Variants in GRIA4 observed in about 807,000 individuals in gnomAD.
GRIA4 encodes the protein glutamate ionotropic receptor AMPA type subunit 4, also known as glutamate receptor 4.
GRIA4 carries 34 observed loss-of-function variants against 104.0 expected under a neutral mutation model. The observed-to-expected ratio is 0.33, with a 90% CI of 0.25 to 0.44. GRIA4 has a LOEUF of 0.44. Ranked by LOEUF, GRIA4 falls within the 20% of genes least tolerant of loss-of-function variation. GRIA4 has a pLI of 1.00. For synonymous variants in GRIA4, 386 were observed against 381.9 expected (o/e 1.01, Z -0.13); for missense variants, 750 against 1,096.5 (o/e 0.68, Z 4.46).
intron 4 of GRIA4, among the ~76,000 whole-genome samples, chr11:105,757,346 T>C (rs1465352877): frequency 2.0e-5 from 3 of 152,158 alleles, no homozygotes; most frequent in Non-Finnish European, 4.4e-5. Flanking sequence ...CGAGGGCAGA[T>C]GCTAGAAGTC....
chr11:105,944,427 G>A (rs955439965), intron 14 of GRIA4, among the ~76,000 whole-genome samples: 2 of 151,908 alleles, frequency 1.3e-5, no homozygotes, highest in Non-Finnish European at 2.9e-5. Context: ...CAATTGTCTG[G>A]TATTTGTTTT....
intron 6 of GRIA4, among the ~76,000 whole-genome samples, chr11:105,888,467 T>C (rs1369667737): frequency 1.3e-5 from 2 of 151,262 alleles, no homozygotes; most frequent in Non-Finnish European, 2.9e-5. Flanking sequence ...TTTGTATTTT[T>C]AGTAGAGACG....
At chr11:105,808,142 C>G (rs1451218783) in intron 4 of GRIA4, among the ~76,000 whole-genome samples, 1 of 151,874 alleles carries the variant, frequency 6.6e-6, no homozygotes, top group Non-Finnish European at 1.5e-5. Flanking sequence ...TTCCATTGAT[C>G]TAATATTATT....
At chr11:105,610,886 T>TGTTTATTTTTA in intron 1 of GRIA4, 22 bp from the exon 2 acceptor site, 2 of 453,560 alleles carry the variant, frequency 4.4e-6, no homozygotes, top group Non-Finnish European at 3.9e-6. Flanking sequence ...TTTTTTTTTT[T>TGTTTATTTTTA]TTTGGTTGAT....
chr11:105,795,003 G>A (rs937902375), intron 4 of GRIA4, among the ~76,000 whole-genome samples: 3 of 151,942 alleles, frequency 2.0e-5, no homozygotes, highest in Non-Finnish European at 4.4e-5. Flanking sequence ...ACACCATTAG[G>A]TTTTGTTATT....
chr11:105,851,486 A>C (rs969986091), intron 4 of GRIA4, among the ~76,000 whole-genome samples: 5 of 152,210 alleles, frequency 3.3e-5, no homozygotes, highest in Non-Finnish European at 5.9e-5. Context: ...ATTACTGTAC[A>C]AACAGCTAGG....
At chr11:105,977,121 C>A (rs971829051) in intron 16 of GRIA4, among the ~76,000 whole-genome samples, 37 of 151,890 alleles carry the variant, frequency 2.4e-4, no homozygotes, top group African/African-American at 8.9e-4. Flanking sequence ...AATTACCAGG[C>A]TTTTATTAAT....
chr11:105,674,531 G>C (rs753923300), intron 3 of GRIA4, among the ~76,000 whole-genome samples: 10 of 151,714 alleles, frequency 6.6e-5, no homozygotes, highest in Middle Eastern at 3.2e-3. Flanking sequence ...ATAGTATAAT[G>C]CAGTCACTGA....
intron 5 of GRIA4, among the ~76,000 whole-genome samples, chr11:105,881,406 C>G (rs1946052752): frequency 6.6e-6 from 1 of 152,178 alleles, no homozygotes; most frequent in African/African-American, 2.4e-5. Flanking sequence ...GACAAGGAAA[C>G]AGATGAGGCA....
At chr11:105,803,640 T>C (rs1942814876) in intron 4 of GRIA4, among the ~76,000 whole-genome samples, 1 of 151,900 alleles carries the variant, frequency 6.6e-6, no homozygotes, top group South Asian at 2.1e-4. Flanking sequence ...ATCAATAAAT[T>C]GATGTGCTAT....
intron 4 of GRIA4, among the ~76,000 whole-genome samples, chr11:105,849,061 A>G (rs1012917679): frequency 6.6e-6 from 1 of 152,106 alleles, no homozygotes; most frequent in Non-Finnish European, 1.5e-5. Context: ...GCATTGTGGC[A>G]GGTGCCTGTA....
chr11:105,768,675 C>T lies in GRIA4; in HGVS notation c.487+15455C>T, dbSNP rs372039672. ...GGGGTGTTTGTCTATTGAAATTTCA[C>T]ACATAGTAGGAAGGTGAGGGCCTTC... On this transcript the variant is annotated intron_variant, in intron 4 of 16. Transcript: ENST00000282499. Among the ~76,000 whole-genome samples, 5 of 152,060 alleles carry T rather than the reference C, an allele frequency of 3.3e-5. No individual in the cohort carries two copies. The South Asian group carries it at 6.2e-4, about 19-fold the overall frequency.
At position 105,918,844 on chromosome 11, in the gene GRIA4, C is replaced by T. The variant is rs1947480097; in HGVS notation, c.1402C>T (p.Pro468Ser). Reference protein sequence around the residue: ...IGIKYKIAIVPDGKYGARDAD... With the variant: ...IGIKYKIAIVSDGKYGARDAD... The stretch of plus-strand genomic sequence containing the variant: ...TATCAAGTATAAAATTGCCATTGTC[C>T]CTGATGGAAAATATGGAGCAAGGGA... The change falls in exon 11 of 17, where the codon CCT (proline) becomes TCT (serine). Residue 468 changes from proline to serine, a missense_variant. By Grantham distance (74) the Pro-to-Ser change is moderately conservative. Around this residue, in one of 3 missense-constraint regions of GRIA4, gnomAD observed 272 missense variants for 524.5 expected, o/e 0.52. Transcript: ENST00000282499. The T allele has an allele frequency of 6.2e-7, 1 of 1,610,502 alleles. No individual in the cohort carries two copies. The highest frequency in any genetic ancestry group is 1.3e-5 in the African/African-American group (1 of 74,712).
At chr11:105,753,263 T>C in intron 4 of GRIA4, 43 bp downstream of exon 4, 1 of 1,593,762 alleles carries the variant, frequency 6.3e-7, no homozygotes, top group Non-Finnish European at 8.6e-7. Flanking sequence ...ACTCTAATTT[T>C]CAATGTGAAA....
rs1942374008 is a variant in GRIA4 at position 105,794,469 on chromosome 11, GTATGTATATATATATATATATATA to G, written c.487+41253_487+41276del. 1.0e-3 allele frequency among the ~76,000 whole-genome samples: 41 copies of G among 40,768 alleles called. 1 individual carries two copies. Among genetic ancestry groups the G allele is most frequent in the Admixed American group, 4.4e-3 (14 of 3,218 alleles). 26.7% of individuals were successfully genotyped at this position (40,768 alleles called of 152,430 possible). On this transcript the variant is annotated intron_variant, in intron 4 of 16. Coordinates refer to ENST00000282499, the MANE Select transcript of GRIA4 (RefSeq NM_000829.4). ...TGTGTGTGTCTGTGTGTGTGTATATGTATGTATATATATATATATATATATATATATATATATATATATACATAT... is the reference window on the plus strand; with the variant it reads ...TGTGTGTGTCTGTGTGTGTGTATATGTATATATATATATATATATACATAT...
intron 4 of GRIA4, among the ~76,000 whole-genome samples, chr11:105,790,629 C>T (rs941766689): frequency 2.6e-5 from 4 of 152,124 alleles, no homozygotes; most frequent in Non-Finnish European, 5.9e-5. Flanking sequence ...ACCTTTCTGC[C>T]TCAAGCCAGG....
At chr11:105,871,464 T>G (rs1024789659) in intron 5 of GRIA4, among the ~76,000 whole-genome samples, 1 of 150,860 alleles carries the variant, frequency 6.6e-6, no homozygotes, top group Admixed American at 6.6e-5. Context: ...TTTATTTCTA[T>G]AGTTAGACCT....
At chr11:105,913,117 C>A in intron 10 of GRIA4, 1 of 687,380 alleles carries the variant, frequency 1.5e-6, no homozygotes, top group Non-Finnish European at 1.8e-6. Context: ...TTCAGTTATT[C>A]ATAAATATTT....
chr11:105,720,254 C>T (rs763706443), intron 3 of GRIA4, among the ~76,000 whole-genome samples: 5 of 151,684 alleles, frequency 3.3e-5, no homozygotes, highest in Non-Finnish European at 7.4e-5. Flanking sequence ...GCTGGGCCCA[C>T]GTGTCTACAT....
Sources: allele counts gnomAD v4.1 joint callset (sites outside exome capture counted in the v4.1 genomes callset), GRCh38; gene constraint gnomAD v4.1.1; regional missense constraint gnomAD v4.1.1; transcripts MANE v1.5; gene names NCBI Gene and HGNC (gene_info 2026-07-23, HGNC 2026-07-21).